The following SYTL3 variants were observed in gnomAD, a reference collection of about 807,000 sequenced individuals.
SYTL3 encodes the protein synaptotagmin like 3.
In SYTL3, 88 loss-of-function variants were observed where a neutral mutation model predicts 82.1. The ratio of observed to expected loss-of-function variants is 1.07; its 90% confidence interval spans 0.90 to 1.28. The LOEUF (loss-of-function observed/expected upper bound fraction) is 1.28, where lower values mean the gene tolerates loss of function less well. SYTL3 is among the 50% of genes most tolerant of loss of function. SYTL3 has a pLI of 0.00. For synonymous variants in SYTL3, 311 were observed against 289.4 expected (o/e 1.07, Z -0.76); for missense variants, 831 against 757.6 (o/e 1.10, Z -1.14).
intron 8 of SYTL3, among the ~76,000 whole-genome samples, chr6:158,710,531 A>T (rs1039650358): frequency 2.0e-5 from 3 of 151,868 alleles, no homozygotes; most frequent in Non-Finnish European, 4.4e-5. Flanking sequence ...AAAAAAATGC[A>T]TAACACAAAT....
At chr6:158,691,599 T>C (rs765350407) in intron 6 of SYTL3, among the ~76,000 whole-genome samples, 16 of 152,174 alleles carry the variant, frequency 1.1e-4, no homozygotes, top group Admixed American at 1.3e-4. Flanking sequence ...CATGACATTC[T>C]GTTACTTGAT....
Position 158,762,080 on chromosome 6 carries a change from A to C in SYTL3, c.1419A>C (p.Thr473=), listed in dbSNP as rs1378585973. Residue 473 remains threonine (T), a synonymous_variant, in exon 16 of 18, where the codon ACA becomes ACC. Transcript: ENST00000611299. ...GAATACTGGCTTTCCTTCCAGGGAC[A>C]GATCAGCCATCACTTCATGGTCAAC... ...PRKLQEAQEG[T]DQPSLHGQLC... is the part of the protein sequence containing the mutation. 6.2e-7 allele frequency: 1 copy of C among 1,613,094 alleles called. No homozygotes were observed. Among genetic ancestry groups the C allele is most frequent in the Non-Finnish European group, 8.5e-7 (1 of 1,179,228 alleles).
At chr6:158,700,897 T>G (rs569054034) in intron 6 of SYTL3, among the ~76,000 whole-genome samples, 11 of 152,340 alleles carry the variant, frequency 7.2e-5, no homozygotes, top group African/African-American at 2.2e-4. Flanking sequence ...ATTACAGGCA[T>G]GAGCCACCGC....
chr6:158,665,501 C>G lies in SYTL3; in HGVS notation c.217C>G (p.Leu73Val). ...GCGCTGCCAGCAGGTGCTGGGGTTC[C>G]TGCTGCACCGGGGCGCCGTGTGCCG... ...CARCQQVLGF[L>V]LHRGAVCRGC... is the part of the protein sequence containing the mutation. Residue 73 changes from leucine to valine, a missense_variant, in exon 5 of 18, where the codon CTG becomes GTG. Physicochemically the swap from Leu to Val is conservative, Grantham distance 32. Coordinates refer to ENST00000611299, the MANE Select transcript of SYTL3 (RefSeq NM_001242394.2). 1.2e-6 allele frequency: 2 copies of G among 1,601,702 alleles called. No individual in the cohort carries two copies. Among genetic ancestry groups the G allele is most frequent in the Non-Finnish European group, 8.5e-7 (1 of 1,174,548 alleles).
intron 11 of SYTL3, among the ~76,000 whole-genome samples, chr6:158,734,124 C>G (rs1785825885): frequency 6.7e-6 from 1 of 149,102 alleles, no homozygotes; most frequent in Non-Finnish European, 1.5e-5. Context: ...AAAGAAGCAC[C>G]CTTTCTGCAA....
chr6:158,737,789 C>T (rs1290683859), intron 11 of SYTL3, among the ~76,000 whole-genome samples: 1 of 152,228 alleles, frequency 6.6e-6, no homozygotes, highest in Non-Finnish European at 1.5e-5. Context: ...GATGGATGGA[C>T]GTGCTCTGCT....
chr6:158,760,989 A>G (rs1432517045), intron 15 of SYTL3, among the ~76,000 whole-genome samples: 1 of 152,056 alleles, frequency 6.6e-6, no homozygotes, highest in Admixed American at 6.6e-5. Context: ...ACGCTCCTCT[A>G]AGGACACTGC....
intron 13 of SYTL3, among the ~76,000 whole-genome samples, chr6:158,755,910 A>G (rs1217450699): frequency 6.6e-6 from 1 of 152,236 alleles, no homozygotes; most frequent in Admixed American, 6.5e-5. Context: ...AGTGTCGGCT[A>G]CCAGACCAAG....
At chr6:158,714,060 G>A (rs1183056614) in intron 9 of SYTL3, among the ~76,000 whole-genome samples, 182 bp downstream of exon 9, 3 of 152,178 alleles carry the variant, frequency 2.0e-5, no homozygotes, top group African/African-American at 4.8e-5. Flanking sequence ...CAGGCCTCTG[G>A]TTCCTCATAG....
chr6:158,716,446 A>C (rs1783439886), intron 9 of SYTL3, among the ~76,000 whole-genome samples: 1 of 152,166 alleles, frequency 6.6e-6, no homozygotes, highest in Non-Finnish European at 1.5e-5. Context: ...CTCACAGTCC[A>C]GACTGAGATG....
At chr6:158,681,045 AT>A (rs1189443677) in intron 5 of SYTL3, among the ~76,000 whole-genome samples, 1 of 152,224 alleles carries the variant, frequency 6.6e-6, no homozygotes, top group Non-Finnish European at 1.5e-5. Flanking sequence ...CTAATGGAGA[AT>A]TTATTTCAGT....
chr6:158,760,473 C>A (rs192927226), intron 14 of SYTL3, among the ~76,000 whole-genome samples, 167 bp from the exon 15 acceptor site: 1 of 152,032 alleles, frequency 6.6e-6, no homozygotes, highest in East Asian at 1.9e-4. Flanking sequence ...GGAGTGAAAC[C>A]ATAGATGGAA....
chr6:158,671,035 A>G (rs1183353862), intron 5 of SYTL3, among the ~76,000 whole-genome samples: 1 of 151,372 alleles, frequency 6.6e-6, no homozygotes, highest in South Asian at 2.1e-4. Context: ...TGATCTCCTG[A>G]TCTAGTGTTC....
At chr6:158,696,574 C>T (rs1016722991) in intron 6 of SYTL3, among the ~76,000 whole-genome samples, 18 of 152,052 alleles carry the variant, frequency 1.2e-4, no homozygotes, top group African/African-American at 4.3e-4. Context: ...GAAGTGGTAT[C>T]TTGTTGTGGC....
chr6:158,682,614 C>T (rs1364613550), intron 5 of SYTL3, among the ~76,000 whole-genome samples: 1 of 152,136 alleles, frequency 6.6e-6, no homozygotes, highest in Non-Finnish European at 1.5e-5. Flanking sequence ...CTGCCTCGGC[C>T]TCCCAAAGTG....
intron 17 of SYTL3, 24 bp from the exon 18 acceptor site, chr6:158,764,471 C>A: frequency 6.3e-7 from 1 of 1,579,604 alleles, no homozygotes; most frequent in Non-Finnish European, 8.7e-7. Flanking sequence ...CCGACCATGG[C>A]TAAATTGTCT....
In SYTL3 at chr6:158,655,650, G is replaced by A. The variant is rs1479330796; in HGVS notation, c.-637+3808G>A. ...ACTGTTAGTACCACGACTGTCAGCC[G>A]GCATTAGCTGAGTGTACTTATGAGC... On this transcript the variant is annotated intron_variant, in intron 2 of 17. Coordinates refer to ENST00000611299, the MANE Select transcript of SYTL3 (RefSeq NM_001242394.2). Among the ~76,000 whole-genome samples the A allele has an allele frequency of 2.6e-5, 4 of 152,176 alleles. No homozygotes were observed. In the East Asian group the frequency reaches 7.7e-4, roughly 29 times the overall value.
At chr6:158,734,960 T>C (rs1312631999) in intron 11 of SYTL3, among the ~76,000 whole-genome samples, 1 of 152,228 alleles carries the variant, frequency 6.6e-6, no homozygotes, top group Non-Finnish European at 1.5e-5. Flanking sequence ...TTAAAGCGAC[T>C]TGCTGAGGTC....
chr6:158,652,545 G>A (rs868427461), intron 2 of SYTL3, among the ~76,000 whole-genome samples: 8 of 142,084 alleles, frequency 5.6e-5, no homozygotes, highest in South Asian at 2.3e-4. Context: ...CACCACGCCC[G>A]GCCTTATTTA....
Sources: gnomAD v4.1 joint callset for allele counts (sites outside exome capture counted in the v4.1 genomes callset) on GRCh38, gnomAD v4.1.1 for gene constraint, MANE v1.5 for transcripts, NCBI Gene and HGNC (gene_info 2026-07-23, HGNC 2026-07-21) for gene names.